RYR1: variants seen among roughly 807,000 people sequenced by gnomAD.
RYR1 encodes central core disease of muscle.
RYR1 carries 342 observed loss-of-function variants against 583.5 expected under a neutral mutation model. The observed-to-expected ratio is 0.59, with a 90% CI of 0.54 to 0.64. The LOEUF is 0.64. Ranked by LOEUF, RYR1 falls within the 30% of genes least tolerant of loss-of-function variation. The pLI, the probability that RYR1 is intolerant of heterozygous loss-of-function variation, is 0.00. For synonymous variants in RYR1, 2,791 were observed against 2,822.5 expected (o/e 0.99, Z 0.35); for missense variants, 6,032 against 6,917.2 (o/e 0.87, Z 4.54).
chr19:38,512,574 A>G lies in RYR1; in HGVS notation c.9472+91A>G. ...GCCTGTGAGAGTCCCTGGGTGTTTG[A>G]ATGTGTGGATTTCTTGCTGTAAGCA... On this transcript the variant is annotated intron_variant, in intron 63 of 105. Transcript: ENST00000359596. The surrounding 1 kb of genome is among the most constrained non-coding windows in gnomAD (Gnocchi z 5.1). The G allele has an allele frequency of 8.1e-7, 1 of 1,229,822 alleles. No individual in the cohort carries two copies. Among genetic ancestry groups the G allele is most frequent in the Non-Finnish European group, 1.2e-6 (1 of 845,298 alleles). The allele number at this position is 1,229,822 out of a possible 1,614,324, so 76.2% of individuals were successfully genotyped here. A position where few individuals can be genotyped will look rare whatever the true frequency, so the allele number is the denominator to read the frequency against.
Position 38,463,416 on chromosome 19 carries a change from C to G in RYR1, c.2578-7C>G. The G allele has an allele frequency of 6.2e-7, 1 of 1,613,160 alleles. No individual in the cohort carries two copies. Among genetic ancestry groups the G allele is most frequent in the Non-Finnish European group, 8.5e-7 (1 of 1,179,448 alleles). ...TTGGGGTCTCAAGAACGTCCCTCTGCCTCTAGATTGTCCTGCCGCCCCATC... is the reference window on the plus strand; with the variant it reads ...TTGGGGTCTCAAGAACGTCCCTCTGGCTCTAGATTGTCCTGCCGCCCCATC... On this transcript the variant is annotated splice_polypyrimidine_tract_variant and splice_region_variant and intron_variant, in intron 20 of 105. Coordinates refer to ENST00000359596, the MANE Select transcript of RYR1 (RefSeq NM_000540.3).
At chr19:38,478,000 G>T in intron 30 of RYR1, 130 bp downstream of exon 30, 1 of 863,862 alleles carries the variant, frequency 1.2e-6, no homozygotes. Context: ...GGATTCTCTG[G>T]GGCACTGGGC....
intron 1 of RYR1, among the ~76,000 whole-genome samples, chr19:38,438,616 C>CTTTTTTTTTT (rs71165544): frequency 1.2e-4 from 11 of 93,964 alleles, no homozygotes; most frequent in East Asian, 3.8e-4. Context: ...CCAGGCTAGT[C>CTTTTTTTTTT]TTTTTTTTTT....
chr19:38,563,239 G>T (rs774803773), intron 90 of RYR1, among the ~76,000 whole-genome samples: 14 of 152,212 alleles, frequency 9.2e-5, no homozygotes, highest in Non-Finnish European at 1.6e-4. Flanking sequence ...GAGCACCTGT[G>T]GGGCAGTATA....
At chr19:38,494,720 A>T in intron 39 of RYR1, 95 bp downstream of exon 39, 1 of 1,500,728 alleles carries the variant, frequency 6.7e-7, no homozygotes, top group Non-Finnish European at 9.2e-7. Flanking sequence ...CTTCTGGCCC[A>T]TCCTCTGGGT....
chr19:38,513,375 G>A (rs1412219419), intron 63 of RYR1, among the ~76,000 whole-genome samples: 2 of 152,032 alleles, frequency 1.3e-5, no homozygotes, highest in Non-Finnish European at 2.9e-5. Context: ...GCCAGCCACA[G>A]TGACTCATAT....
chr19:38,507,865 T>G, intron 58 of RYR1, 38 bp downstream of exon 58: 1 of 1,288,588 alleles, frequency 7.8e-7, no homozygotes, highest in Non-Finnish European at 1.1e-6. Context: ...CCGCCCCACC[T>G]GCAGACACCA....
intron 33 of RYR1, among the ~76,000 whole-genome samples, chr19:38,484,042 C>A (rs976860084): frequency 6.6e-6 from 1 of 152,054 alleles, no homozygotes; most frequent in East Asian, 1.9e-4. Flanking sequence ...GAACTCTGAA[C>A]GTGGCCAGGC....
chr19:38,506,430 C>A, intron 55 of RYR1, 41 bp from the exon 56 acceptor site: 1 of 1,613,256 alleles, frequency 6.2e-7, no homozygotes, highest in Non-Finnish European at 8.5e-7. Context: ...GGGGGGCTGG[C>A]ATCCTCTGAA....
chr19:38,460,425 C>A lies in RYR1; in HGVS notation c.2411C>A (p.Pro804Gln). The stretch of plus-strand genomic sequence containing the variant: ...CATGGTGAATTCAAGTTCCTGCCCC[C>A]ACCTGGCTATGCTCCATGCCATGAG... ...GRHGEFKFLP[P>Q]PGYAPCHEAV... The change falls in exon 20 of 106, where the codon CCA becomes CAA. Residue 804 changes from proline to glutamine, a missense_variant. Around this residue, in one of 11 missense-constraint regions of RYR1, gnomAD observed 2,627 missense variants for 2,961.3 expected, o/e 0.89. Transcript: ENST00000359596. The A allele has an allele frequency of 6.2e-7, 1 of 1,614,242 alleles. No individual in the cohort carries two copies. The highest frequency in any genetic ancestry group is 1.1e-5 in the South Asian group (1 of 91,092).
In RYR1 at chr19:38,462,891, C is replaced by CTTTTTTT. The variant is rs553168266; in HGVS notation, c.2578-516_2578-510dup. On this transcript the variant is annotated intron_variant, in intron 20 of 105. Transcript: ENST00000359596. The stretch of plus-strand genomic sequence containing the variant: ...AGATAATTCCTTAATACTCTCTCTT[C>CTTTTTTT]TTTTTTTTTTTTTTTTTTTTTTGGA... Among the ~76,000 whole-genome samples the CTTTTTTT allele has an allele frequency of 1.1e-3, 86 of 78,738 alleles. 1 individual carries two copies. Among genetic ancestry groups the CTTTTTTT allele is most frequent in the Non-Finnish European group, 1.4e-3 (60 of 43,482 alleles). The allele number at this position is 78,738 out of a possible 152,430, so 51.7% of individuals were successfully genotyped here. A position where few individuals can be genotyped will look rare whatever the true frequency, so the allele number is the denominator to read the frequency against.
intron 11 of RYR1, among the ~76,000 whole-genome samples, chr19:38,451,243 C>T (rs935874281): frequency 2.6e-5 from 4 of 152,234 alleles, no homozygotes; most frequent in Admixed American, 1.3e-4. Flanking sequence ...GACACGTGAG[C>T]ATCATCAGCA....
chr19:38,475,269 G>C (rs1968659108), intron 28 of RYR1, 49 bp from the exon 29 acceptor site: 7 of 1,550,574 alleles, frequency 4.5e-6, no homozygotes, highest in Non-Finnish European at 5.2e-6. Flanking sequence ...GCGGTGGGAG[G>C]GCTGGGCTTG....
intron 99 of RYR1, 37 bp from the exon 100 acceptor site, chr19:38,579,945 T>G (rs772420362): frequency 6.2e-7 from 1 of 1,613,918 alleles, no homozygotes; most frequent in East Asian, 2.2e-5. Flanking sequence ...CGTGTGTCCC[T>G]GCCTTCCCCC....
intron 76 of RYR1, among the ~76,000 whole-genome samples, chr19:38,529,373 A>G (rs1391754265): frequency 1.3e-5 from 2 of 152,306 alleles, no homozygotes; most frequent in Middle Eastern, 3.4e-3. Context: ...CCATCTACTC[A>G]GGAGGCTGAG....
intron 92 of RYR1, 130 bp from the exon 93 acceptor site, chr19:38,567,643 T>C (rs961608074): frequency 8.4e-6 from 11 of 1,308,842 alleles, no homozygotes; most frequent in Middle Eastern, 4.4e-4. Context: ...TATCTCATCA[T>C]CCCATGTACC....
At position 38,506,045 on chromosome 19, in the gene RYR1, C is replaced by G. The variant is rs186752970; in HGVS notation, c.8541+99C>G. Reference sequence around the variant, plus strand: ...GGGAAGGGATGGAGAGGAGAGGGGCCCAGGGAGGTAGGTGGGGCAAGAGGG... The same window carrying G: ...GGGAAGGGATGGAGAGGAGAGGGGCGCAGGGAGGTAGGTGGGGCAAGAGGG... On this transcript the variant is annotated intron_variant, in intron 54 of 105. Coordinates refer to ENST00000359596, the MANE Select transcript of RYR1 (RefSeq NM_000540.3). 7.0e-4 allele frequency: 1,060 copies of G among 1,510,878 alleles called. 9 individuals are homozygous for G. The African/African-American group carries it at 0.013, about 18-fold the overall frequency. 93.6% of individuals were successfully genotyped at this position (1,510,878 alleles called of 1,614,324 possible). A position where few individuals can be genotyped will look rare whatever the true frequency, so the allele number is the denominator to read the frequency against.
At position 38,496,146 on chromosome 19, in the gene RYR1, C is replaced by G. The variant is rs1209459632; in HGVS notation, c.6549-69C>G. Reference sequence around the variant, plus strand: ...AGAGGGTCAAGAATGCCAACGCTGTCACAGTGGTGGCTATGGCCCTCTCCG... The same window carrying G: ...AGAGGGTCAAGAATGCCAACGCTGTGACAGTGGTGGCTATGGCCCTCTCCG... On this transcript the variant is annotated intron_variant, in intron 39 of 105. Transcript: ENST00000359596. The surrounding 1 kb of genome is among the most constrained non-coding windows in gnomAD (Gnocchi z 4.8). The G allele has an allele frequency of 1.1e-5, 14 of 1,265,988 alleles. No individual in the cohort carries two copies. The East Asian group carries it at 3.0e-4, about 27-fold the overall frequency. 78.4% of individuals were successfully genotyped at this position (1,265,988 alleles called of 1,614,324 possible).
intron 82 of RYR1, 109 bp downstream of exon 82, chr19:38,536,179 G>T (rs1303852014): frequency 1.0e-6 from 1 of 985,278 alleles, no homozygotes; most frequent in Non-Finnish European, 1.5e-6. Flanking sequence ...CAAGACACTG[G>T]TTCCCAAGGG....
Sources: allele counts gnomAD v4.1 joint callset (sites outside exome capture counted in the v4.1 genomes callset), GRCh38; gene constraint gnomAD v4.1.1; regional missense constraint gnomAD v4.1.1; non-coding constraint Gnocchi (gnomAD v3.1); transcripts MANE v1.5; gene names NCBI Gene and HGNC (gene_info 2026-07-23, HGNC 2026-07-21).